The following MEI1 variants were observed in gnomAD, a reference collection of about 807,000 sequenced individuals.
MEI1 encodes meiosis inhibitor protein 1.
In MEI1, 103 loss-of-function variants were observed where a neutral mutation model predicts 146.2. The ratio of observed to expected loss-of-function variants is 0.70; its 90% CI spans 0.60 to 0.83. MEI1 has a LOEUF of 0.83. Ranked by LOEUF, MEI1 falls within the 40% of genes least tolerant of loss-of-function variation. MEI1 has a pLI of 0.00. For synonymous variants in MEI1, 652 were observed against 628.2 expected, an observed-to-expected ratio of 1.04 and a Z score of -0.57; for missense variants, 1,529 against 1,533.0, an observed-to-expected ratio of 1.00 and a Z score of 0.04.
intron 12 of MEI1, among the ~76,000 whole-genome samples, chr22:41,744,480 ATTTTTTTTTTTTTTT>A (rs771456925): frequency 1.2e-4 from 1 of 8,594 alleles, no homozygotes; most frequent in Non-Finnish European, 1.9e-4. Flanking sequence ...CTTTGCTATG[ATTTTTTTTTTTTTTT>A]TTTTTTTTTT....
intron 24 of MEI1, among the ~76,000 whole-genome samples, chr22:41,782,591 A>C (rs1446877997): frequency 6.6e-6 from 1 of 152,162 alleles, no homozygotes; most frequent in African/African-American, 2.4e-5. Flanking sequence ...ACTGCGCCCA[A>C]TACTGTGCCA....
intron 7 of MEI1, 76 bp downstream of exon 7, chr22:41,724,149 C>G: frequency 6.6e-7 from 1 of 1,526,288 alleles, no homozygotes; most frequent in Non-Finnish European, 9.0e-7. Context: ...TTGTCTTCAT[C>G]TACCACTCCT....
chr22:41,795,432 A>G lies in MEI1; in HGVS notation c.3556A>G (p.Ser1186Gly). The change falls in exon 29 of 31, where the codon AGT (serine) becomes GGT (glycine). Residue 1186 changes from serine (S) to glycine (G), a missense_variant. Ser to Gly is a moderately conservative substitution (Grantham distance 56). Transcript: ENST00000401548. The surrounding 1 kb of genome is among the most constrained non-coding windows in gnomAD (Gnocchi z 4.2). ...MTLFMRYRSSSVLSHEEVGDV... is the reference protein window; with the variant it reads ...MTLFMRYRSSGVLSHEEVGDV... ...CCAGTTTATGCGGTACCGGAGTAGC[A>G]GTGTCCTCTCTCATGAAGAGGTGGG... 6.2e-7 allele frequency: 1 copy of G among 1,613,664 alleles called. No homozygotes were observed.
Position 41,713,089 on chromosome 22 carries a change from G to A in MEI1, c.350-913G>A, listed in dbSNP as rs558406444. Among the ~76,000 whole-genome samples, 23 of 152,138 alleles carry A rather than the reference G, an allele frequency of 1.5e-4. No homozygotes were observed. The South Asian group carries it at 3.9e-3, about 26-fold the overall frequency. The stretch of plus-strand genomic sequence containing the variant: ...CTCCCAAAGCGCTGGGATTACATGC[G>A]TGAGCCACCGCGCCCGGCTGGGCAT... On this transcript the variant is annotated intron_variant, in intron 3 of 30. Coordinates refer to ENST00000401548, the MANE Select transcript of MEI1 (RefSeq NM_152513.4).
At chr22:41,721,564 AT>A (rs57977638) in intron 6 of MEI1, among the ~76,000 whole-genome samples, 126,023 of 150,866 alleles carry the variant, frequency 0.84, 53,570 homozygotes, top group African/African-American at 0.96. Context: ...TAATTAAAAA[AT>A]TTTTTTTTGT....
chr22:41,748,245 G>A, intron 15 of MEI1, 27 bp downstream of exon 15: 1 of 1,486,012 alleles, frequency 6.7e-7, no homozygotes, highest in Non-Finnish European at 9.4e-7. Flanking sequence ...TGTGGAGGTT[G>A]GGAGGGAGGC....
chr22:41,772,293 C>T (rs2075225402), intron 20 of MEI1, among the ~76,000 whole-genome samples: 1 of 152,002 alleles, frequency 6.6e-6, no homozygotes, highest in Admixed American at 6.6e-5. Flanking sequence ...AGGATCATGG[C>T]TCACTGCAGC....
chr22:41,737,242 CT>C (rs952411565), intron 11 of MEI1, among the ~76,000 whole-genome samples: 160 of 145,716 alleles, frequency 1.1e-3, no homozygotes, highest in Admixed American at 9.0e-4. Flanking sequence ...ATTGTTTATT[CT>C]TTTTTTTTTT....
At chr22:41,716,260 G>A (rs1222558019) in intron 5 of MEI1, 114 bp downstream of exon 5, 1 of 680,864 alleles carries the variant, frequency 1.5e-6, no homozygotes, top group Non-Finnish European at 2.5e-6. Flanking sequence ...TCCTGCTTTA[G>A]CCTTCAGTTT....
At chr22:41,715,701 A>AT (rs1039997969) in intron 4 of MEI1, among the ~76,000 whole-genome samples, 31 of 146,968 alleles carry the variant, frequency 2.1e-4, no homozygotes, top group South Asian at 1.5e-3. Context: ...GCCAACAATA[A>AT]TTTTTTTTTT....
intron 30 of MEI1, 103 bp from the exon 31 acceptor site, chr22:41,799,151 T>G (rs2076487166): frequency 1.9e-6 from 2 of 1,064,678 alleles, no homozygotes; most frequent in Middle Eastern, 4.4e-4. Flanking sequence ...GGAGCACTTC[T>G]GTTCTTGCCT....
At chr22:41,731,774 G>A (rs2071887099) in intron 9 of MEI1, among the ~76,000 whole-genome samples, 1 of 152,136 alleles carries the variant, frequency 6.6e-6, no homozygotes, top group Non-Finnish European at 1.5e-5. Context: ...AAATAACATT[G>A]GTTCTTGCCC....
At chr22:41,708,671 G>A (rs182189727) in intron 3 of MEI1, among the ~76,000 whole-genome samples, 2 of 152,318 alleles carry the variant, frequency 1.3e-5, no homozygotes, top group African/African-American at 2.4e-5. Flanking sequence ...TAAACAAGCC[G>A]ACCCTGACTT....
At chr22:41,740,075 AG>A (rs2072730497) in intron 11 of MEI1, among the ~76,000 whole-genome samples, 1 of 151,790 alleles carries the variant, frequency 6.6e-6, no homozygotes, top group Admixed American at 6.6e-5. Flanking sequence ...GCTGGAGTTC[AG>A]TGGCTCGATC....
At chr22:41,724,221 T>G (rs1361042188) in intron 7 of MEI1, 148 bp downstream of exon 7, 1 of 1,038,824 alleles carries the variant, frequency 9.6e-7, no homozygotes. Flanking sequence ...GGGCGGTGGC[T>G]CATGTCTGTA....
At chr22:41,720,237 A>G (rs1199223054) in intron 6 of MEI1, among the ~76,000 whole-genome samples, 1 of 152,086 alleles carries the variant, frequency 6.6e-6, no homozygotes, top group Non-Finnish European at 1.5e-5. Context: ...GGGCCAGAGC[A>G]CGAGGTATGA....
chr22:41,701,583 A>G (rs1457137909), intron 1 of MEI1, among the ~76,000 whole-genome samples: 1 of 152,224 alleles, frequency 6.6e-6, no homozygotes, highest in Non-Finnish European at 1.5e-5. Context: ...GAACTCGTAA[A>G]CTAGCTAATA....
chr22:41,707,071 C>T (rs903434800), intron 3 of MEI1, among the ~76,000 whole-genome samples: 5 of 150,222 alleles, frequency 3.3e-5, no homozygotes, highest in Non-Finnish European at 5.9e-5. Flanking sequence ...GGCGCGGTGG[C>T]GGGCACCTGT....
intron 6 of MEI1, 77 bp downstream of exon 6, chr22:41,718,351 C>T: frequency 7.1e-7 from 1 of 1,413,344 alleles, no homozygotes; most frequent in South Asian, 1.3e-5. Context: ...ATTGGGTTCT[C>T]TAGTAGTGGG....
Sources: gnomAD v4.1 joint callset for allele counts (sites outside exome capture counted in the v4.1 genomes callset) on GRCh38, gnomAD v4.1.1 for gene constraint, Gnocchi (gnomAD v3.1) non-coding constraint, MANE v1.5 for transcripts, NCBI Gene and HGNC (gene_info 2026-07-23, HGNC 2026-07-21) for gene names.